Variants in PSMB1 observed in about 807,000 individuals in gnomAD.
The protein encoded by PSMB1 is proteasome 20S subunit beta 1.
In PSMB1, 7 loss-of-function variants were observed where a neutral mutation model predicts 25.4. The observed-to-expected ratio is 0.28, with a 90% CI of 0.16 to 0.52. The LOEUF (loss-of-function observed/expected upper bound fraction) is 0.52, where lower values mean the gene tolerates loss of function less well. PSMB1 is among the 20% of genes least tolerant of loss of function. PSMB1 has a pLI of 0.97. For missense variants in PSMB1, 284 were observed against 302.2 expected, an observed-to-expected ratio of 0.94 and a Z score of 0.45; for synonymous variants, 119 against 115.0, an observed-to-expected ratio of 1.03 and a Z score of -0.22.
At chr6:170,549,216 C>A in intron 1 of PSMB1, 103 bp from the exon 2 acceptor site, 1 of 542,368 alleles carries the variant, frequency 1.8e-6, no homozygotes. Flanking sequence ...CTCTAGATGT[C>A]AACAAAAACA....
chr6:170,545,247 G>C (rs1225882197), intron 3 of PSMB1, among the ~76,000 whole-genome samples: 2 of 152,042 alleles, frequency 1.3e-5, no homozygotes, highest in Admixed American at 6.6e-5. Flanking sequence ...CTTCAGGAAG[G>C]GGTGTGTATT....
chr6:170,552,253 A>G lies in PSMB1; in HGVS notation c.113+877T>C, dbSNP rs1009446530. ...TTTTAAGAACCATCGGTTCGTTCAA[A>G]TTGCGTGTGTATATTTTAATGTACA... On this transcript the variant is annotated intron_variant, in intron 1 of 5. Transcript: ENST00000262193. 5.3e-5 allele frequency among the ~76,000 whole-genome samples: 8 copies of G among 152,132 alleles called. No individual in the cohort carries two copies. In the East Asian group the frequency reaches 1.5e-3, roughly 29 times the overall value.
chr6:170,546,440 T>C (rs1778819969), intron 2 of PSMB1, among the ~76,000 whole-genome samples: 1 of 152,160 alleles, frequency 6.6e-6, no homozygotes, highest in South Asian at 2.1e-4. Flanking sequence ...TTTACTATCT[T>C]GGGCTGAGGA....
intron 3 of PSMB1, among the ~76,000 whole-genome samples, chr6:170,544,736 C>T (rs890769721): frequency 2.6e-5 from 4 of 151,650 alleles, no homozygotes; most frequent in Admixed American, 6.6e-5. Flanking sequence ...TAACTAGCAC[C>T]GTAAAATTAA....
At chr6:170,550,212 G>A (rs1164035729) in intron 1 of PSMB1, 2 of 152,178 alleles carry the variant, frequency 1.3e-5, no homozygotes, top group Non-Finnish European at 2.9e-5. Context: ...CTCTCAAGAA[G>A]AAAAGGATGG....
chr6:170,551,177 G>A (rs1778895697), intron 1 of PSMB1, among the ~76,000 whole-genome samples: 1 of 151,918 alleles, frequency 6.6e-6, no homozygotes, highest in Non-Finnish European at 1.5e-5. Context: ...GAGATGAAGG[G>A]GAATAATTAG....
At chr6:170,544,491 A>G (rs1297985413) in intron 3 of PSMB1, among the ~76,000 whole-genome samples, 1 of 152,226 alleles carries the variant, frequency 6.6e-6, no homozygotes, top group East Asian at 1.9e-4. Context: ...CTTCACAAAA[A>G]TTATAAACAT....
chr6:170,549,255 C>A (rs17860771), intron 1 of PSMB1, 142 bp from the exon 2 acceptor site: 16 of 492,834 alleles, frequency 3.2e-5, no homozygotes, highest in Non-Finnish European at 5.0e-5. Flanking sequence ...GAAAGATGAG[C>A]GGGAAGAGAA....
intron 4 of PSMB1, among the ~76,000 whole-genome samples, chr6:170,538,613 C>A (rs758080370): frequency 6.6e-6 from 1 of 152,132 alleles, no homozygotes; most frequent in African/African-American, 2.4e-5. Context: ...GCAGGAGAAT[C>A]GCTTGAACCC....
intron 2 of PSMB1, among the ~76,000 whole-genome samples, chr6:170,546,757 A>G (rs911417215): frequency 1.3e-5 from 2 of 152,162 alleles, no homozygotes; most frequent in African/African-American, 4.8e-5. Context: ...GAACCACTGC[A>G]CCCAGCCTCG....
At chr6:170,550,786 T>C (rs1443266686) in intron 1 of PSMB1, among the ~76,000 whole-genome samples, 1 of 151,748 alleles carries the variant, frequency 6.6e-6, no homozygotes, top group Non-Finnish European at 1.5e-5. Context: ...AAACCAATTA[T>C]GACATCCAAG....
At chr6:170,538,041 A>C (rs1778716014) in intron 4 of PSMB1, among the ~76,000 whole-genome samples, 2 of 152,224 alleles carry the variant, frequency 1.3e-5, no homozygotes, top group African/African-American at 4.8e-5. Context: ...TAAAAGAATA[A>C]GAAAACTATT....
intron 3 of PSMB1, among the ~76,000 whole-genome samples, chr6:170,545,016 T>C (rs1483165422): frequency 2.0e-5 from 3 of 151,686 alleles, no homozygotes; most frequent in African/African-American, 7.3e-5. Flanking sequence ...TGGTGACAGG[T>C]GCCTGTAATC....
At chr6:170,548,256 CG>C (rs1407506480) in intron 2 of PSMB1, among the ~76,000 whole-genome samples, 9 of 152,220 alleles carry the variant, frequency 5.9e-5, no homozygotes, top group Admixed American at 5.9e-4. Flanking sequence ...ACCTAAACCT[CG>C]TAAGTCCCAT....
chr6:170,546,456 C>T (rs376744889), intron 2 of PSMB1, among the ~76,000 whole-genome samples: 1 of 152,140 alleles, frequency 6.6e-6, no homozygotes, highest in East Asian at 1.9e-4. Context: ...GAGGAAGATA[C>T]GTAGGTAGGT....
At chr6:170,548,949 CACA>C (rs1778857407) in intron 2 of PSMB1, 54 bp downstream of exon 2, 3 of 1,288,350 alleles carry the variant, frequency 2.3e-6, no homozygotes, top group Non-Finnish European at 3.4e-6. Flanking sequence ...TAGAAACTCT[CACA>C]ACATCAAATC....
At chr6:170,538,686 G>A (rs1157044846) in intron 4 of PSMB1, among the ~76,000 whole-genome samples, 9 of 152,136 alleles carry the variant, frequency 5.9e-5, no homozygotes, top group African/African-American at 1.9e-4. Context: ...GCAACAGAGC[G>A]AGACTTGGTC....
In PSMB1 at chr6:170,553,246, A is replaced by C. The variant is rs1583119993; in HGVS notation, c.-4T>G. On this transcript the variant is annotated 5_prime_UTR_variant, in exon 1 of 6. Coordinates refer to ENST00000262193, the MANE Select transcript of PSMB1 (RefSeq NM_002793.4). ...ACATGGCTGTAGAGGACAACATCGC[A>C]CGGCTGCGCCTGCGGATCCGACACT... 1 of 1,604,368 alleles carries C rather than the reference A, an allele frequency of 6.2e-7. No individual in the cohort carries two copies. Among genetic ancestry groups the C allele is most frequent in the Non-Finnish European group, 8.5e-7 (1 of 1,174,038 alleles).
Position 170,535,305 on chromosome 6 carries a change from T to A in PSMB1, c.641A>T (p.Asp214Val). 1 of 1,614,088 alleles carries A rather than the reference T, an allele frequency of 6.2e-7. No individual in the cohort carries two copies. Among genetic ancestry groups the A allele is most frequent in the Non-Finnish European group, 8.5e-7 (1 of 1,179,998 alleles). The stretch of plus-strand genomic sequence containing the variant: ...CCGGAGTGCGTCCCCAGTGTACACA[T>A]CTCTCTCAGCCGCAGAAATGAAGAC... ...KDVFISAAER[D>V]VYTGDALRIC... The change falls in exon 6 of 6, where the codon GAT (aspartate) becomes GTT (valine). Residue 214 changes from aspartate (D) to valine (V), a missense_variant. By Grantham distance (152) the Asp-to-Val change is radical. Coordinates refer to ENST00000262193, the MANE Select transcript of PSMB1 (RefSeq NM_002793.4).
Sources: gnomAD v4.1 joint callset for allele counts (sites outside exome capture counted in the v4.1 genomes callset) on GRCh38, gnomAD v4.1.1 for gene constraint, MANE v1.5 for transcripts, NCBI Gene and HGNC (gene_info 2026-07-23, HGNC 2026-07-21) for gene names.